PLK4: variants seen among roughly 807,000 people sequenced by gnomAD.
The protein encoded by PLK4 is serine/threonine-protein kinase PLK4.
In PLK4, 51 loss-of-function variants were observed where a neutral mutation model predicts 103.0. That is an observed-to-expected ratio of 0.50 (90% CI 0.40 to 0.63). The LOEUF is 0.63. Among genes scored for constraint, PLK4 ranks in the 20% least tolerant of loss-of-function variants. The pLI is 0.00. For missense variants in PLK4, 1,054 were observed against 1,151.0 expected, an observed-to-expected ratio of 0.92 and a Z score of 1.22; for synonymous variants, 389 against 376.8, an observed-to-expected ratio of 1.03 and a Z score of -0.38.
At chr4:127,888,073 G>A (rs868488610) in intron 6 of PLK4, among the ~76,000 whole-genome samples, 2 of 144,372 alleles carry the variant, frequency 1.4e-5, no homozygotes, top group Non-Finnish European at 3.0e-5. Context: ...CCACCTACTC[G>A]GATGGCTGAG....
rs987492115 is a variant in PLK4 at position 127,880,920 on chromosome 4, G to A, written c.-215G>A. 5 of 587,994 alleles carry A rather than the reference G, an allele frequency of 8.5e-6. No individual in the cohort carries two copies. Among genetic ancestry groups the A allele is most frequent in the Admixed American group, 3.0e-5 (1 of 33,332 alleles). 36.4% of individuals were successfully genotyped at this position (587,994 alleles called of 1,614,324 possible). On this transcript the variant is annotated 5_prime_UTR_variant, in exon 1 of 16. Coordinates refer to ENST00000270861, the MANE Select transcript of PLK4 (RefSeq NM_014264.5). ...CACCAGCCTAGCTCGGACGGCAAGC[G>A]GCGGGAGATTTTCAAAATGGGAGCC...
chr4:127,890,711 A>T (rs1274178785), intron 7 of PLK4, among the ~76,000 whole-genome samples: 1 of 152,172 alleles, frequency 6.6e-6, no homozygotes, highest in African/African-American at 2.4e-5. Context: ...AAATTATTGT[A>T]TGTGAATTGA....
Position 127,892,432 on chromosome 4 carries a change from A to G in PLK4, c.2106A>G (p.Lys702=), listed in dbSNP as rs1230856367. The G allele has an allele frequency of 6.3e-6, 10 of 1,588,430 alleles. No homozygotes were observed. Among genetic ancestry groups the G allele is most frequent in the Admixed American group, 1.8e-5 (1 of 54,076 alleles). ...AGCTTGTAAGATCTAAATCTCCCAA[A>G]ATCACTTATTTTACAAGATATGCTA... ...FVQLVRSKSP[K]ITYFTRYAKC... The change falls in exon 10 of 16, where the codon AAA becomes AAG. Residue 702 remains lysine, a synonymous_variant. Transcript: ENST00000270861.
In PLK4 at chr4:127,886,589, G is replaced by A. The variant is rs144633592; in HGVS notation, c.1219G>A (p.Val407Met). The change falls in exon 5 of 16, where the codon GTG becomes ATG. Residue 407 changes from valine (V) to methionine (M), a missense_variant. Physicochemically the swap from Val to Met is conservative, Grantham distance 21. Coordinates refer to ENST00000270861, the MANE Select transcript of PLK4 (RefSeq NM_014264.5). Reference sequence around the variant, plus strand: ...ATGTCACTCAGCAGAAATGCTTTCAGTGTCCAAAAGATCAGGAGGAGGTGA... The same window carrying A: ...ATGTCACTCAGCAGAAATGCTTTCAATGTCCAAAAGATCAGGAGGAGGTGA... ...ERCHSAEMLSVSKRSGGGENE... is the reference protein window; with the variant it reads ...ERCHSAEMLSMSKRSGGGENE... The A allele has an allele frequency of 1.9e-5, 31 of 1,613,996 alleles. No homozygotes were observed. Among genetic ancestry groups the A allele is most frequent in the Admixed American group, 6.7e-5 (4 of 59,994 alleles).
At chr4:127,888,194 A>AAAAAAAAAAAAAAAAAAAAAAAAAAT (rs1735214715) in intron 6 of PLK4, among the ~76,000 whole-genome samples, 1 of 139,964 alleles carries the variant, frequency 7.1e-6, no homozygotes, top group South Asian at 2.3e-4. Context: ...AAAAAAAAAA[A>AAAAAAAAAAAAAAAAAAAAAAAAAAT]AAAAAAAAAA....
At chr4:127,888,370 A>G (rs556596878) in intron 6 of PLK4, among the ~76,000 whole-genome samples, 1 of 152,054 alleles carries the variant, frequency 6.6e-6, no homozygotes. Context: ...GAAACTGGGT[A>G]CACAGAGCTT....
chr4:127,887,052 G>A (rs1448740731), intron 5 of PLK4, among the ~76,000 whole-genome samples: 2 of 152,070 alleles, frequency 1.3e-5, no homozygotes, highest in Non-Finnish European at 2.9e-5. Context: ...AGATAGAAAA[G>A]CTGAGATTGA....
chr4:127,893,973 A>G, intron 13 of PLK4, 92 bp downstream of exon 13: 1 of 728,098 alleles, frequency 1.4e-6, no homozygotes. Flanking sequence ...CTTTACTATC[A>G]TCTACGTACT....
At position 127,889,613 on chromosome 4, in the gene PLK4, T is replaced by C. The variant is rs539417626; in HGVS notation, c.1460-253T>C. Among the ~76,000 whole-genome samples, 10 of 152,312 alleles carry C rather than the reference T, an allele frequency of 6.6e-5. No individual in the cohort carries two copies. In the South Asian group the frequency reaches 2.1e-3, roughly 32 times the overall value. ...TTTTGCCTTAATTGAAAAATTAATT[T>C]TATGTTAATATCTTTTGTGTCTTAG... is the stretch of plus-strand genomic sequence containing the variant. On this transcript the variant is annotated intron_variant, in intron 6 of 15. Transcript: ENST00000270861.
Position 127,894,944 on chromosome 4 carries a change from T to C in PLK4, c.2563-9T>C, listed in dbSNP as rs1208698907. The C allele has an allele frequency of 1.3e-6, 2 of 1,555,598 alleles. No homozygotes were observed. The highest frequency in any genetic ancestry group is 1.7e-6 in the Non-Finnish European group (2 of 1,148,026). ...GGAATAATATCTTCCTGTCCTTTAT[T>C]CTTTGTAGATGGTTACAAATGAAGG... On this transcript the variant is annotated splice_polypyrimidine_tract_variant and intron_variant, in intron 13 of 15. Transcript: ENST00000270861.
chr4:127,880,945 C>G lies in PLK4; in HGVS notation c.-190C>G, dbSNP rs946581384. On this transcript the variant is annotated 5_prime_UTR_variant, in exon 1 of 16. Transcript: ENST00000270861. ...GGCGGGAGATTTTCAAAATGGGAGCCCAGAGGCACCGCCCAGGCCTCGGAA... is the reference window on the plus strand; with the variant it reads ...GGCGGGAGATTTTCAAAATGGGAGCGCAGAGGCACCGCCCAGGCCTCGGAA... 5 of 618,066 alleles carry G rather than the reference C, an allele frequency of 8.1e-6. No individual in the cohort carries two copies. The highest frequency in any genetic ancestry group is 7.9e-5 in the South Asian group (4 of 50,816). 38.3% of individuals were successfully genotyped at this position (618,066 alleles called of 1,614,324 possible).
In PLK4 at chr4:127,881,183, C is replaced by G. The variant is rs758537497; in HGVS notation, c.30+19C>G. The stretch of plus-strand genomic sequence containing the variant: ...GATCGAGGTGAAAAGACTCGGCAGT[C>G]TGCAGCGGGGCGGGTGGGAGTAATT... On this transcript the variant is annotated intron_variant, in intron 1 of 15. Coordinates refer to ENST00000270861, the MANE Select transcript of PLK4 (RefSeq NM_014264.5). 2 of 1,613,918 alleles carry G rather than the reference C, an allele frequency of 1.2e-6. No individual in the cohort carries two copies. Among genetic ancestry groups the G allele is most frequent in the South Asian group, 2.2e-5 (2 of 91,076 alleles).
chr4:127,893,970 A>T, intron 13 of PLK4, 89 bp downstream of exon 13: 1 of 748,070 alleles, frequency 1.3e-6, no homozygotes, highest in South Asian at 1.7e-5. Flanking sequence ...TGGCTTTACT[A>T]TCATCTACGT....
rs777441604 is a variant in PLK4 at position 127,886,350 on chromosome 4, A to G, written c.980A>G (p.Lys327Arg). Reference protein sequence around the residue: ...PLPNKMTVFPKNKSSTDFSSS... With the variant: ...PLPNKMTVFPRNKSSTDFSSS... ...CCAAATAAAATGACTGTATTTCCAA[A>G]GAATAAAAGTTCAACTGATTTTTCT... Residue 327 changes from lysine to arginine, a missense_variant, in exon 5 of 16, where the codon AAG becomes AGG. Physicochemically the swap from Lys to Arg is conservative, Grantham distance 26 (BLOSUM62 2). This residue lies in a region of PLK4 where 680 missense variants were observed against 660.3 expected (regional missense o/e 1.03). Transcript: ENST00000270861. 1 of 1,613,488 alleles carries G rather than the reference A, an allele frequency of 6.2e-7. No homozygotes were observed. Among genetic ancestry groups the G allele is most frequent in the Non-Finnish European group, 8.5e-7 (1 of 1,179,888 alleles).
At chr4:127,888,664 G>A (rs1007470316) in intron 6 of PLK4, among the ~76,000 whole-genome samples, 1 of 152,122 alleles carries the variant, frequency 6.6e-6, no homozygotes, top group African/African-American at 2.4e-5. Context: ...TTATAATACA[G>A]AGTTTGAAGG....
At position 127,881,844 on chromosome 4, in the gene PLK4, G is replaced by T; in HGVS notation, c.44G>T (p.Gly15Val). Residue 15 changes from glycine to valine, a missense_variant, in exon 2 of 16, where the codon GGA becomes GTA. Coordinates refer to ENST00000270861, the MANE Select transcript of PLK4 (RefSeq NM_014264.5). ...IGEKIEDFKV[G>V]NLLGKGSFAG... Reference sequence around the variant, plus strand: ...TTAACTTTTAAGGATTTTAAAGTTGGAAATCTGCTTGGTAAAGGATCATTT... The same window carrying T: ...TTAACTTTTAAGGATTTTAAAGTTGTAAATCTGCTTGGTAAAGGATCATTT... 1 of 1,601,048 alleles carries T rather than the reference G, an allele frequency of 6.2e-7. No homozygotes were observed.
In PLK4 at chr4:127,897,564, C is replaced by T. The variant is rs188207341; in HGVS notation, c.2810+657C>T. On this transcript the variant is annotated intron_variant, in intron 15 of 15. Transcript: ENST00000270861. ...TTGGGACAAATATAATCTGTAGATACCTACCAACTGCATTTTTGTGTTAAA... is the reference window on the plus strand; with the variant it reads ...TTGGGACAAATATAATCTGTAGATATCTACCAACTGCATTTTTGTGTTAAA... 3.0e-3 allele frequency among the ~76,000 whole-genome samples: 456 copies of T among 152,184 alleles called. 4 individuals are homozygous for T. The highest frequency in any genetic ancestry group is 0.011 in the African/African-American group (441 of 41,536).
At chr4:127,884,620 A>T (rs1480339452) in intron 4 of PLK4, among the ~76,000 whole-genome samples, 1 of 152,164 alleles carries the variant, frequency 6.6e-6, no homozygotes, top group South Asian at 2.1e-4. Context: ...CCTGGCCAAT[A>T]TGGTAAAACC....
intron 9 of PLK4, 21 bp downstream of exon 9, chr4:127,891,702 A>T: frequency 1.1e-6 from 1 of 921,342 alleles, no homozygotes; most frequent in Non-Finnish European, 1.6e-6. Flanking sequence ...TTACCAGGGA[A>T]TAAATTTTGA....
Sources: allele counts gnomAD v4.1 joint callset (sites outside exome capture counted in the v4.1 genomes callset), GRCh38; gene constraint gnomAD v4.1.1; regional missense constraint gnomAD v4.1.1; transcripts MANE v1.5; gene names NCBI Gene and HGNC (gene_info 2026-07-23, HGNC 2026-07-21).